The following TCAIM variants were observed in gnomAD, a reference collection of about 807,000 sequenced individuals.
The protein encoded by TCAIM is T cell activation inhibitor, mitochondrial.
Under a neutral mutation model 58.6 loss-of-function variants are expected in TCAIM, and 36 were observed. The ratio of observed to expected loss-of-function variants is 0.61; its 90% CI spans 0.47 to 0.81. The LOEUF is 0.81. TCAIM is among the 30% of genes least tolerant of loss of function. TCAIM has a pLI of 0.00. For synonymous variants in TCAIM, 172 were observed against 193.6 expected (o/e 0.89, Z 0.93); for missense variants, 466 against 579.6 (o/e 0.80, Z 2.01).
chr3:44,392,812 T>C (rs765576809), intron 5 of TCAIM, 43 bp from the exon 6 acceptor site: 2 of 1,557,584 alleles, frequency 1.3e-6, no homozygotes, highest in Admixed American at 1.9e-5. Flanking sequence ...AAAATATGTA[T>C]ATTATAGTTA....
At chr3:44,370,856 C>T (rs1393594447) in intron 5 of TCAIM, among the ~76,000 whole-genome samples, 5 of 150,908 alleles carry the variant, frequency 3.3e-5, no homozygotes, top group Admixed American at 3.3e-4. Flanking sequence ...ATCCTCCCGC[C>T]TCAGCCTTTG....
At chr3:44,342,957 A>T (rs938464520) in intron 1 of TCAIM, among the ~76,000 whole-genome samples, 1 of 151,878 alleles carries the variant, frequency 6.6e-6, no homozygotes, top group Non-Finnish European at 1.5e-5. Flanking sequence ...GCCAACATGG[A>T]GAAACTCCAT....
intron 1 of TCAIM, among the ~76,000 whole-genome samples, chr3:44,342,009 C>G (rs1700863887): frequency 6.6e-6 from 1 of 152,164 alleles, no homozygotes; most frequent in Admixed American, 6.5e-5. Context: ...GTCCAGATAA[C>G]TTCAGTGAGC....
At chr3:44,364,930 A>G (rs1365292319) in intron 4 of TCAIM, among the ~76,000 whole-genome samples, 1 of 152,164 alleles carries the variant, frequency 6.6e-6, no homozygotes, top group African/African-American at 2.4e-5. Flanking sequence ...GCAGCTTGGA[A>G]TTCTCTCCCC....
At chr3:44,393,106 A>G (rs1415438899) in intron 6 of TCAIM, 129 bp downstream of exon 6, 4 of 738,848 alleles carry the variant, frequency 5.4e-6, no homozygotes, top group African/African-American at 3.5e-5. Context: ...AATTATCTTT[A>G]TGAACATCAT....
At chr3:44,388,463 C>T (rs543262787) in intron 5 of TCAIM, among the ~76,000 whole-genome samples, 28 of 152,184 alleles carry the variant, frequency 1.8e-4, no homozygotes, top group Admixed American at 1.4e-3. Flanking sequence ...TTTTTGCAGG[C>T]CTACCCCAGA....
chr3:44,385,778 A>ACCTT (rs1197731912), intron 5 of TCAIM, among the ~76,000 whole-genome samples: 1 of 151,936 alleles, frequency 6.6e-6, no homozygotes, highest in Non-Finnish European at 1.5e-5. Flanking sequence ...GTCTCTTATT[A>ACCTT]CCTTCACCTG....
In TCAIM at chr3:44,367,461, C is replaced by T. The variant is rs1701397643; in HGVS notation, c.325C>T (p.Arg109Ter). ...GGGGGAATTATATTCTCTAGGATTT[C>T]GAGCAGTCAAATTTACTTTGCACAC... is the stretch of plus-strand genomic sequence containing the variant. ...GQEPFSTSGFRAVKFTLHTRD... is the reference protein window; with the variant it reads ...GQEPFSTSGF Residue 109 changes from arginine to a stop codon, truncating the protein, a stop_gained, in exon 5 of 11, where the codon CGA (arginine) becomes TGA (stop). Transcript: ENST00000342649. LOFTEE classifies it high-confidence loss of function. 1.9e-6 allele frequency: 3 copies of T among 1,604,746 alleles called. No individual in the cohort carries two copies. The highest frequency in any genetic ancestry group is 1.7e-5 in the Admixed American group (1 of 59,672).
chr3:44,404,972 GA>G (rs1365686831), intron 10 of TCAIM, among the ~76,000 whole-genome samples: 1 of 151,992 alleles, frequency 6.6e-6, no homozygotes, highest in African/African-American at 2.4e-5. Flanking sequence ...TGAATAGTTA[GA>G]AAAAGGGAAA....
chr3:44,355,235 A>G (rs1701169217), intron 2 of TCAIM, among the ~76,000 whole-genome samples: 1 of 117,312 alleles, frequency 8.5e-6, no homozygotes, highest in South Asian at 4.1e-4. Flanking sequence ...TAATTGTTCA[A>G]TTTGGATAGG....
At chr3:44,352,883 G>A (rs1701118998) in intron 1 of TCAIM, among the ~76,000 whole-genome samples, 1 of 149,148 alleles carries the variant, frequency 6.7e-6, no homozygotes, top group South Asian at 2.1e-4. Context: ...GGAATCATAT[G>A]CTTGGAATCA....
At chr3:44,347,123 A>T (rs1700986106) in intron 1 of TCAIM, among the ~76,000 whole-genome samples, 1 of 152,176 alleles carries the variant, frequency 6.6e-6, no homozygotes, top group Admixed American at 6.5e-5. Context: ...GCCAGACACG[A>T]TCAGCAGGGA....
chr3:44,362,337 A>T (rs554187073), intron 4 of TCAIM: 2 of 400,292 alleles, frequency 5.0e-6, no homozygotes, highest in African/African-American at 4.1e-5. Context: ...TTCATTTATT[A>T]AAATGAAAGA....
intron 1 of TCAIM, among the ~76,000 whole-genome samples, chr3:44,342,570 C>T (rs775807920): frequency 5.9e-5 from 9 of 151,970 alleles, no homozygotes; most frequent in East Asian, 3.9e-4. Context: ...CTAGCTTTTT[C>T]GTTTATCCTA....
chr3:44,343,559 G>A (rs530525883), intron 1 of TCAIM, among the ~76,000 whole-genome samples: 7 of 152,246 alleles, frequency 4.6e-5, no homozygotes, highest in African/African-American at 1.7e-4. Context: ...TAAATCCAGT[G>A]GGTATGTTAA....
At chr3:44,365,400 C>T (rs1701357721) in intron 4 of TCAIM, among the ~76,000 whole-genome samples, 1 of 151,982 alleles carries the variant, frequency 6.6e-6, no homozygotes, top group African/African-American at 2.4e-5. Context: ...ACAATCTCGG[C>T]TCACTGCAAT....
Position 44,404,892 on chromosome 3 carries a change from A to G in TCAIM, c.1251-2550A>G, listed in dbSNP as rs185495867. Among the ~76,000 whole-genome samples, 3 of 151,908 alleles carry G rather than the reference A, an allele frequency of 2.0e-5. No individual in the cohort carries two copies. In the East Asian group the frequency reaches 5.9e-4, roughly 30 times the overall value. ...GCTCTCAGCTGTTCTAGTTCAAAAG[A>G]AAAGGAGCCAGAGGCCACCCATGCT... On this transcript the variant is annotated intron_variant, in intron 10 of 10. Coordinates refer to ENST00000342649, the MANE Select transcript of TCAIM (RefSeq NM_173826.4).
At position 44,361,462 on chromosome 3, in the gene TCAIM, A is replaced by G. The variant is rs140545796; in HGVS notation, c.263A>G (p.Tyr88Cys). Residue 88 changes from tyrosine to cysteine, a missense_variant, in exon 4 of 11, where the codon TAT becomes TGT. Transcript: ENST00000342649. ...TTGAAACCAACTCAGCTTACATTTT[A>G]TGTAAGAGAAACAGACCAGAGTTCC... Reference protein sequence around the residue: ...KSLKPTQLTFYVRETDQSSSD... With the variant: ...KSLKPTQLTFCVRETDQSSSD... 2 of 1,612,724 alleles carry G rather than the reference A, an allele frequency of 1.2e-6. No homozygotes were observed. Among genetic ancestry groups the G allele is most frequent in the Non-Finnish European group, 1.7e-6 (2 of 1,179,438 alleles).
intron 1 of TCAIM, among the ~76,000 whole-genome samples, chr3:44,348,688 G>A (rs1213808196): frequency 6.6e-6 from 1 of 152,166 alleles, no homozygotes; most frequent in African/African-American, 2.4e-5. Flanking sequence ...AATTTTTGGA[G>A]CTTTTTCTAA....
Sources: gnomAD v4.1 joint callset for allele counts (sites outside exome capture counted in the v4.1 genomes callset) on GRCh38, gnomAD v4.1.1 for gene constraint, MANE v1.5 for transcripts, NCBI Gene and HGNC (gene_info 2026-07-23, HGNC 2026-07-21) for gene names.